ESCO2: variants seen among roughly 807,000 people sequenced by gnomAD.
The protein encoded by ESCO2 is N-acetyltransferase ESCO2.
ESCO2 carries 51 observed loss-of-function variants against 61.7 expected under a neutral mutation model. The ratio of observed to expected loss-of-function variants is 0.83; its 90% confidence interval spans 0.66 to 1.04. The LOEUF (loss-of-function observed/expected upper bound fraction) is 1.04, where lower values mean the gene tolerates loss of function less well. Ranked by LOEUF, ESCO2 falls within the 50% of genes least tolerant of loss-of-function variation. The pLI is 0.00. For missense variants in ESCO2, 692 were observed against 686.2 expected, an observed-to-expected ratio of 1.01 and a Z score of -0.09; for synonymous variants, 230 against 238.2, an observed-to-expected ratio of 0.97 and a Z score of 0.32.
chr8:27,806,189 TGGAAAA>T (rs1270990704), downstream of ESCO2, among the ~76,000 whole-genome samples: 2 of 152,178 alleles, frequency 1.3e-5, no homozygotes, highest in Admixed American at 1.3e-4. Flanking sequence ...TCAGTTAAGA[TGGAAAA>T]GGCATTAAAT....
At chr8:27,773,618 G>A (rs1041652019), upstream of ESCO2, 2 of 151,884 alleles carry the variant, frequency 1.3e-5, no homozygotes, top group Non-Finnish European at 2.9e-5. Flanking sequence ...ATGAAATTGA[G>A]GGCGTCACTT....
intron 10 of ESCO2, among the ~76,000 whole-genome samples, chr8:27,801,469 T>C (rs1242753789): frequency 6.6e-6 from 1 of 152,220 alleles, no homozygotes; most frequent in Non-Finnish European, 1.5e-5. Flanking sequence ...AGGGTATCAG[T>C]AGGAAAAATT....
chr8:27,805,502 G>A (rs1805547196), downstream of ESCO2, among the ~76,000 whole-genome samples: 1 of 151,854 alleles, frequency 6.6e-6, no homozygotes, highest in South Asian at 2.1e-4. Context: ...TTGGTTGGGT[G>A]TTTTTTGTTT....
chr8:27,788,957 T>G lies in ESCO2; in HGVS notation c.1242T>G (p.Phe414Leu). The change falls in exon 7 of 11, where the codon TTT becomes TTG. Residue 414 changes from phenylalanine (F) to leucine (L), a missense_variant. By Grantham distance (22) the Phe-to-Leu change is conservative (BLOSUM62 0). Coordinates refer to ENST00000305188, the MANE Select transcript of ESCO2 (RefSeq NM_001017420.3). ...EMQHVQHHHR[F>L]LEGIKYVGWK... ...AGCATGTACAGCATCACCACAGGTTTCTGGAAGGAATCAAATATGTGGTGA... is the reference window on the plus strand; with the variant it reads ...AGCATGTACAGCATCACCACAGGTTGCTGGAAGGAATCAAATATGTGGTGA... 1 of 1,614,136 alleles carries G rather than the reference T, an allele frequency of 6.2e-7. No individual in the cohort carries two copies.
rs142545930 is a variant in ESCO2 at position 27,792,140 on chromosome 8, A to G, written c.1353+88A>G. The G allele has an allele frequency of 8.4e-4, 1,027 of 1,227,304 alleles. 13 individuals carry two copies. In the East Asian group the frequency reaches 0.019, roughly 22 times the overall value. The allele number at this position is 1,227,304 out of a possible 1,614,324, so 76.0% of individuals were successfully genotyped here. A position where few individuals can be genotyped will look rare whatever the true frequency, so the allele number is the denominator to read the frequency against. ...AAGTGCAAACTGCCTTTGCTGACAG[A>G]TAATTCACTTGGGTACCTGCTTAAT... On this transcript the variant is annotated intron_variant, in intron 8 of 10. Coordinates refer to ENST00000305188, the MANE Select transcript of ESCO2 (RefSeq NM_001017420.3).
the ESCO2 span, among the ~76,000 whole-genome samples, chr8:27,818,957 T>C: frequency 1.3e-5 from 2 of 152,228 alleles, no homozygotes; most frequent in African/African-American, 2.4e-5. Context: ...CATCATTTAC[T>C]GACTAAACTA....
downstream of ESCO2, chr8:27,808,404 G>A (rs901647343): frequency 5.8e-5 from 12 of 206,528 alleles, no homozygotes; most frequent in East Asian, 1.7e-3. Flanking sequence ...AGGTAGTCCT[G>A]GGCACGGTGG....
At chr8:27,796,764 C>T (rs1250713744) in intron 9 of ESCO2, among the ~76,000 whole-genome samples, 2 of 151,950 alleles carry the variant, frequency 1.3e-5, no homozygotes, top group Non-Finnish European at 2.9e-5. Context: ...GCATTCATTC[C>T]GCTGCTATTG....
chr8:27,799,772 C>T (rs550053416), intron 10 of ESCO2, 56 bp downstream of exon 10: 2,491 of 1,590,312 alleles, frequency 1.6e-3, no homozygotes, highest in Middle Eastern at 2.5e-3. Context: ...TTTCCCAGAA[C>T]CTCTCGGCTT....
chr8:27,803,205 A>C, intron 10 of ESCO2, 101 bp from the exon 11 acceptor site: 1 of 1,046,436 alleles, frequency 9.6e-7, no homozygotes, highest in Non-Finnish European at 1.5e-6. Flanking sequence ...CTTACTAAAA[A>C]TAAGGTTGAT....
downstream of ESCO2, chr8:27,811,334 T>C: frequency 1.6e-6 from 1 of 607,048 alleles, no homozygotes; most frequent in South Asian, 2.0e-5. Context: ...GCTGGTCAGT[T>C]GGCAGGTATG....
At chr8:27,817,945 T>C in the ESCO2 span, among the ~76,000 whole-genome samples, 5 of 152,332 alleles carry the variant, frequency 3.3e-5, no homozygotes, top group African/African-American at 9.6e-5. Context: ...TTCTGAGCAC[T>C]TGAATTGTGG....
intron 3 of ESCO2, chr8:27,778,963 T>C (rs1804862849): frequency 6.6e-6 from 1 of 152,400 alleles, no homozygotes; most frequent in Admixed American, 6.5e-5. Flanking sequence ...TTGCCCAGGC[T>C]GGAGTGCAGT....
rs910933347 is a variant in ESCO2 at position 27,776,960 on chromosome 8, T to G, written c.652T>G (p.Ser218Ala). 2 of 1,613,018 alleles carry G rather than the reference T, an allele frequency of 1.2e-6. No individual in the cohort carries two copies. Among genetic ancestry groups the G allele is most frequent in the Non-Finnish European group, 1.7e-6 (2 of 1,179,814 alleles). Residue 218 changes from serine (S) to alanine (A), a missense_variant, in exon 3 of 11, where the codon TCT becomes GCT. Transcript: ENST00000305188. ...GAAFFVRKKS[S>A]LRKSSLENEP... ...AGCATTTTTTGTTAGAAAAAAATCT[T>G]CTCTTAGAAAATCGTCCCTGGAAAA...
At chr8:27,772,466 GGAGCCCGCTGTCCAGCA>G, upstream of ESCO2, 1 of 1,542,900 alleles carries the variant, frequency 6.5e-7, no homozygotes, top group Non-Finnish European at 8.8e-7. Flanking sequence ...TCCCGGCTTC[GGAGCCCGCTGTCCAGCA>G]GGGTCCAGGA....
upstream of ESCO2, chr8:27,773,681 T>C (rs1804709723): frequency 6.6e-6 from 1 of 152,184 alleles, no homozygotes; most frequent in South Asian, 2.1e-4. Context: ...AAAATTGGAA[T>C]GATACAGAGA....
intron 10 of ESCO2, 136 bp from the exon 11 acceptor site, chr8:27,803,170 C>T: frequency 1.3e-6 from 1 of 769,694 alleles, no homozygotes; most frequent in Non-Finnish European, 2.1e-6. Flanking sequence ...AGACTTCTGT[C>T]TCTAAAATAT....
chr8:27,772,857 ACAG>A (rs1804684574), upstream of ESCO2, among the ~76,000 whole-genome samples: 1 of 152,186 alleles, frequency 6.6e-6, no homozygotes, highest in Non-Finnish European at 1.5e-5. Flanking sequence ...CAGCTAACTC[ACAG>A]GATATTTTTT....
At position 27,804,242 on chromosome 8, in the gene ESCO2, ATTATAC is replaced by A; in HGVS notation, c.*808_*813del. The A allele has an allele frequency of 1.3e-5, 13 of 984,860 alleles. No individual in the cohort carries two copies. Among genetic ancestry groups the A allele is most frequent in the Non-Finnish European group, 1.4e-5 (12 of 829,390 alleles). The allele number at this position is 984,860 out of a possible 1,614,324, so 61.0% of individuals were successfully genotyped here. On this transcript the variant is annotated 3_prime_UTR_variant, in exon 11 of 11. Transcript: ENST00000305188. ...TTACCTGTCATCAGATTTAATTAAA[ATTATAC>A]TTAGTAATTGCACTATTACTTAGTT...
Sources: allele counts gnomAD v4.1 joint callset (sites outside exome capture counted in the v4.1 genomes callset), GRCh38; gene constraint gnomAD v4.1.1; transcripts MANE v1.5; gene names NCBI Gene and HGNC (gene_info 2026-07-23, HGNC 2026-07-21).